The following LEPR variants were observed in gnomAD, a reference collection of about 807,000 sequenced individuals.
LEPR encodes the protein leptin receptor, also known as OB receptor.
LEPR carries 56 observed loss-of-function variants against 114.7 expected under a neutral mutation model. That is an observed-to-expected ratio of 0.49 (90% CI 0.39 to 0.61). The LOEUF is 0.61. Ranked by LOEUF, LEPR falls within the 20% of genes least tolerant of loss-of-function variation. The pLI, the probability that LEPR is intolerant of heterozygous loss-of-function variation, is 0.00. For synonymous variants in LEPR, 443 were observed against 461.4 expected, an observed-to-expected ratio of 0.96 and a Z score of 0.51; for missense variants, 1,202 against 1,352.9, an observed-to-expected ratio of 0.89 and a Z score of 1.75.
chr1:65,618,573 C>G lies in LEPR; in HGVS notation c.2395+427C>G, dbSNP rs959378518. ...CTTGAACTCCTAAGCTCAAGTGATC[C>G]TCCTGCCTTGGCCTCCCAAAGTGTT... On this transcript the variant is annotated intron_variant, in intron 16 of 19. Coordinates refer to ENST00000349533, the MANE Select transcript of LEPR (RefSeq NM_002303.6). Among the ~76,000 whole-genome samples, 4 of 152,230 alleles carry G rather than the reference C, an allele frequency of 2.6e-5. No homozygotes were observed. The East Asian group carries it at 7.7e-4, about 29-fold the overall frequency.
chr1:65,623,680 T>G (rs1658019474), intron 19 of LEPR, among the ~76,000 whole-genome samples: 1 of 151,970 alleles, frequency 6.6e-6, no homozygotes, highest in South Asian at 2.1e-4. Flanking sequence ...AATACTTATT[T>G]GGAGGTTATT....
intron 2 of LEPR, among the ~76,000 whole-genome samples, chr1:65,521,768 A>G (rs943662752): frequency 6.6e-6 from 1 of 152,128 alleles, no homozygotes; most frequent in Non-Finnish European, 1.5e-5. Context: ...TTAAATATAA[A>G]TTTCTTTTGG....
At position 65,638,897 on chromosome 1, in the gene LEPR, C is replaced by T. The variant is rs1049671253; in HGVS notation, c.*1882C>T. On this transcript the variant is annotated 3_prime_UTR_variant, in exon 20 of 20. Coordinates refer to ENST00000349533, the MANE Select transcript of LEPR (RefSeq NM_002303.6). Reference sequence around the variant, plus strand: ...ATAATTTTACATGGCTTTAGAGACACAGAAACAGATAAATTATTACATGTA... The same window carrying T: ...ATAATTTTACATGGCTTTAGAGACATAGAAACAGATAAATTATTACATGTA... The T allele has an allele frequency of 1.3e-5, 2 of 151,964 alleles. No individual in the cohort carries two copies. Among genetic ancestry groups the T allele is most frequent in the African/African-American group, 4.8e-5 (2 of 41,344 alleles). The allele number at this position is 151,964 out of a possible 1,614,324, so 9.4% of individuals were successfully genotyped here.
chr1:65,600,597 C>G (rs946179595), intron 8 of LEPR, among the ~76,000 whole-genome samples: 12 of 152,124 alleles, frequency 7.9e-5, no homozygotes, highest in Admixed American at 4.6e-4. Context: ...TTGCAGTGCA[C>G]TGTGGTGGAA....
At chr1:65,421,344 T>G in intron 1 of LEPR, 6 of 1,535,616 alleles carry the variant, frequency 3.9e-6, no homozygotes, top group Non-Finnish European at 5.2e-6. Context: ...AACCAGTGTG[T>G]GTGTAGTATG....
intron 2 of LEPR, among the ~76,000 whole-genome samples, chr1:65,427,295 C>T (rs993526961): frequency 3.3e-5 from 5 of 151,980 alleles, no homozygotes; most frequent in South Asian, 2.1e-4. Flanking sequence ...TGACAGAGCC[C>T]GGCCGTGGTG....
intron 2 of LEPR, among the ~76,000 whole-genome samples, chr1:65,552,762 T>A (rs879715389): frequency 6.6e-5 from 10 of 152,200 alleles, no homozygotes; most frequent in African/African-American, 1.2e-4. Context: ...GTCATTATGA[T>A]GCTAGCTGGT....
At chr1:65,480,550 A>G (rs892853587) in intron 2 of LEPR, among the ~76,000 whole-genome samples, 1 of 152,178 alleles carries the variant, frequency 6.6e-6, no homozygotes, top group African/African-American at 2.4e-5. Flanking sequence ...AAAATACAAA[A>G]TACCCACAGG....
At chr1:65,606,126 A>G (rs1183594977) in intron 11 of LEPR, among the ~76,000 whole-genome samples, 1 of 152,184 alleles carries the variant, frequency 6.6e-6, no homozygotes, top group East Asian at 1.9e-4. Flanking sequence ...CATTTGAATT[A>G]AAACCTATAA....
At chr1:65,587,805 C>A (rs10889564) in intron 5 of LEPR, among the ~76,000 whole-genome samples, 46,428 of 151,692 alleles carry the variant, frequency 0.31, 7,955 homozygotes, top group East Asian at 0.83. Context: ...CAAAACATTT[C>A]ATATTAGTGG....
At chr1:65,586,529 A>G (rs1184851114) in intron 5 of LEPR, among the ~76,000 whole-genome samples, 1 of 135,792 alleles carries the variant, frequency 7.4e-6, no homozygotes, top group South Asian at 2.1e-4. Flanking sequence ...GTGCTTGCAG[A>G]AAAACAATTA....
chr1:65,544,880 T>A lies in LEPR; in HGVS notation c.-20-20666T>A, dbSNP rs1460915276. 2.0e-5 allele frequency among the ~76,000 whole-genome samples: 3 copies of A among 149,830 alleles called. No homozygotes were observed. The East Asian group carries it at 5.8e-4, about 29-fold the overall frequency. Reference sequence around the variant, plus strand: ...TGCAGGTTAGTTACATATGTATACATGTGCCATGCTGGTGTGCTGCACCCA... The same window carrying A: ...TGCAGGTTAGTTACATATGTATACAAGTGCCATGCTGGTGTGCTGCACCCA... On this transcript the variant is annotated intron_variant, in intron 2 of 19. Coordinates refer to ENST00000349533, the MANE Select transcript of LEPR (RefSeq NM_002303.6).
chr1:65,421,596 T>G (rs1468693806), intron 1 of LEPR: 2 of 971,382 alleles, frequency 2.1e-6, no homozygotes, highest in Non-Finnish European at 3.1e-6. Flanking sequence ...AGATAGTATA[T>G]ATACGAGTAC....
intron 2 of LEPR, among the ~76,000 whole-genome samples, chr1:65,530,239 G>A (rs1387975167): frequency 7.2e-5 from 11 of 152,146 alleles, no homozygotes; most frequent in Admixed American, 5.9e-4. Flanking sequence ...TACCTCGTTT[G>A]TAATGTGTTG....
At chr1:65,612,886 A>G (rs1657266254) in intron 14 of LEPR, among the ~76,000 whole-genome samples, 1 of 152,204 alleles carries the variant, frequency 6.6e-6, no homozygotes, top group African/African-American at 2.4e-5. Flanking sequence ...AGTTGATGTT[A>G]ACCTTGCTCG....
At chr1:65,480,554 C>A (rs946905690) in intron 2 of LEPR, among the ~76,000 whole-genome samples, 2 of 152,166 alleles carry the variant, frequency 1.3e-5, no homozygotes, top group South Asian at 4.2e-4. Context: ...TACAAAATAC[C>A]CACAGGTGAA....
intron 2 of LEPR, among the ~76,000 whole-genome samples, chr1:65,477,514 G>A (rs61779815): frequency 0.32 from 49,106 of 152,162 alleles, 10,109 homozygotes; most frequent in Non-Finnish European, 0.46. Flanking sequence ...GTGCCATGTG[G>A]AAGGTATATT....
intron 2 of LEPR, among the ~76,000 whole-genome samples, chr1:65,448,729 A>T (rs886404210): frequency 6.6e-6 from 1 of 152,080 alleles, no homozygotes; most frequent in Admixed American, 6.5e-5. Context: ...TTATTTATTG[A>T]TTCTTGTGTG....
At chr1:65,592,112 C>T (rs981893684) in intron 5 of LEPR, among the ~76,000 whole-genome samples, 1 of 151,966 alleles carries the variant, frequency 6.6e-6, no homozygotes, top group Non-Finnish European at 1.5e-5. Flanking sequence ...GGTACTAATG[C>T]CATACATTTT....
Sources: allele counts gnomAD v4.1 joint callset (sites outside exome capture counted in the v4.1 genomes callset), GRCh38; gene constraint gnomAD v4.1.1; transcripts MANE v1.5; gene names NCBI Gene and HGNC (gene_info 2026-07-23, HGNC 2026-07-21).